NCOA2: variants seen among roughly 807,000 people sequenced by gnomAD.
The protein encoded by NCOA2 is class E basic helix-loop-helix protein 75.
In NCOA2, 21 loss-of-function variants were observed where a neutral mutation model predicts 145.1. The observed-to-expected ratio is 0.14, with a 90% CI of 0.10 to 0.21. The LOEUF (loss-of-function observed/expected upper bound fraction) is 0.21. Ranked by LOEUF, NCOA2 falls within the 10% of genes least tolerant of loss-of-function variation. The pLI is 1.00. For missense variants in NCOA2, 1,472 were observed against 1,837.6 expected (o/e 0.80, Z 3.64); for synonymous variants, 619 against 637.5 (o/e 0.97, Z 0.44).
chr8:70,207,265 T>C (rs925112720), intron 4 of NCOA2, among the ~76,000 whole-genome samples: 5 of 152,222 alleles, frequency 3.3e-5, no homozygotes, highest in Non-Finnish European at 7.3e-5. Flanking sequence ...ACAAGGGATG[T>C]CTACTTTCTA....
chr8:70,128,326 G>A, intron 18 of NCOA2, 107 bp downstream of exon 18: 4 of 911,046 alleles, frequency 4.4e-6, no homozygotes, highest in Non-Finnish European at 5.2e-6. Flanking sequence ...GGGCTAGTGT[G>A]CTGATCTGGA....
At chr8:70,394,207 G>A (rs989270760) in intron 1 of NCOA2, among the ~76,000 whole-genome samples, 17 of 152,328 alleles carry the variant, frequency 1.1e-4, no homozygotes, top group African/African-American at 3.8e-4. Context: ...CCAGGCTGGA[G>A]TGCGATGGCG....
intron 18 of NCOA2, among the ~76,000 whole-genome samples, chr8:70,127,735 T>C (rs1808600406): frequency 2.0e-5 from 3 of 152,228 alleles, no homozygotes; most frequent in African/African-American, 7.2e-5. Context: ...CATGCCACTG[T>C]CACAGTCATT....
intron 2 of NCOA2, among the ~76,000 whole-genome samples, chr8:70,269,325 G>A (rs1245519318): frequency 6.6e-6 from 1 of 152,078 alleles, no homozygotes; most frequent in Non-Finnish European, 1.5e-5. Context: ...GAATAGTGAT[G>A]GAGGGCCTAG....
At chr8:70,267,447 G>A (rs181060295) in intron 2 of NCOA2, among the ~76,000 whole-genome samples, 26 of 149,600 alleles carry the variant, frequency 1.7e-4, no homozygotes, top group Admixed American at 1.1e-3. Flanking sequence ...TCACCCAGGC[G>A]GAGTACAGTG....
chr8:70,452,236 A>G, the NCOA2 span, among the ~76,000 whole-genome samples: 1 of 152,182 alleles, frequency 6.6e-6, no homozygotes, highest in Non-Finnish European at 1.5e-5. Context: ...TTGGCCCCCA[A>G]AGTGCTGGGA....
intron 1 of NCOA2, among the ~76,000 whole-genome samples, chr8:70,336,894 T>C (rs543575600): frequency 6.6e-6 from 1 of 152,218 alleles, no homozygotes; most frequent in East Asian, 1.9e-4. Flanking sequence ...TTGTAAATAA[T>C]GGTGCTGTGA....
In NCOA2 at chr8:70,111,977, T is replaced by C. The variant is rs1806576805; in HGVS notation, c.*1655A>G. 9.0e-6 allele frequency: 2 copies of C among 221,016 alleles called. No individual in the cohort carries two copies. The highest frequency in any genetic ancestry group is 2.2e-5 in the African/African-American group (1 of 44,662). 13.7% of individuals were successfully genotyped at this position (221,016 alleles called of 1,614,324 possible). ...GTCATCAGTTTCTTGGTATTGGAGT[T>C]GTCTGAAACTGACACCTATTAATAA... is the stretch of plus-strand genomic sequence containing the variant. On this transcript the variant is annotated 3_prime_UTR_variant, in exon 23 of 23. Transcript: ENST00000452400.
At chr8:70,426,633 C>T in the NCOA2 span, among the ~76,000 whole-genome samples, 104 of 152,266 alleles carry the variant, frequency 6.8e-4, no homozygotes, top group Admixed American at 2.4e-3. Flanking sequence ...GATCCAAGTT[C>T]GTGGAGGGCA....
chr8:70,315,872 T>TA (rs1805547137), intron 1 of NCOA2, among the ~76,000 whole-genome samples: 2 of 152,092 alleles, frequency 1.3e-5, no homozygotes, highest in South Asian at 2.1e-4. Context: ...GGAACCAAGA[T>TA]AGAGAAATCA....
intron 5 of NCOA2, among the ~76,000 whole-genome samples, chr8:70,174,353 G>A (rs1814594859): frequency 6.6e-6 from 1 of 152,112 alleles, no homozygotes; most frequent in African/African-American, 2.4e-5. Flanking sequence ...AAAGCATAAA[G>A]CTCCTCCTTG....
At chr8:70,118,995 G>A (rs1043620384) in intron 22 of NCOA2, among the ~76,000 whole-genome samples, 1 of 152,010 alleles carries the variant, frequency 6.6e-6, no homozygotes, top group Admixed American at 6.5e-5. Flanking sequence ...GCCAGGAGAG[G>A]ATTTTTTATT....
At chr8:70,194,590 C>G (rs1323711416) in intron 4 of NCOA2, among the ~76,000 whole-genome samples, 1 of 152,038 alleles carries the variant, frequency 6.6e-6, no homozygotes, top group Admixed American at 6.6e-5. Flanking sequence ...CTAAAACAAG[C>G]CTGGTATCCA....
At chr8:70,440,347 C>T in the NCOA2 span, among the ~76,000 whole-genome samples, 1 of 152,132 alleles carries the variant, frequency 6.6e-6, no homozygotes, top group African/African-American at 2.4e-5. Flanking sequence ...CGCCTGGAAT[C>T]CCAGCACCTG....
At chr8:70,221,312 A>G (rs1820115149) in intron 2 of NCOA2, among the ~76,000 whole-genome samples, 1 of 152,194 alleles carries the variant, frequency 6.6e-6, no homozygotes, top group Non-Finnish European at 1.5e-5. Context: ...TGTTTCTCAG[A>G]ATCCCACCTC....
the NCOA2 span, among the ~76,000 whole-genome samples, chr8:70,419,694 A>G: frequency 2.0e-5 from 3 of 152,198 alleles, no homozygotes; most frequent in African/African-American, 7.2e-5. Context: ...CTATAATCCT[A>G]AATGATTTGT....
At position 70,202,716 on chromosome 8, in the gene NCOA2, A is replaced by C. The variant is rs577100401; in HGVS notation, c.259+11187T>G. Among the ~76,000 whole-genome samples, 6 of 152,366 alleles carry C rather than the reference A, an allele frequency of 3.9e-5. No individual in the cohort carries two copies. In the East Asian group the frequency reaches 5.8e-4, roughly 15 times the overall value. On this transcript the variant is annotated intron_variant, in intron 4 of 22. Transcript: ENST00000452400. ...AACAGAGTTGCTGTTTACTGGGAAC[A>C]GAGTTTTACTCATGCAAGATGAAAT...
At chr8:70,150,725 G>A (rs1358347969) in intron 11 of NCOA2, among the ~76,000 whole-genome samples, 1 of 152,192 alleles carries the variant, frequency 6.6e-6, no homozygotes, top group Non-Finnish European at 1.5e-5. Context: ...GGTATAAACT[G>A]TTATTCTCAG....
At chr8:70,278,163 T>C (rs752017262) in intron 2 of NCOA2, among the ~76,000 whole-genome samples, 9 of 152,210 alleles carry the variant, frequency 5.9e-5, no homozygotes, top group Non-Finnish European at 5.9e-5. Context: ...TCATACAATA[T>C]ATGGCCTTTA....
Sources: allele counts gnomAD v4.1 joint callset (sites outside exome capture counted in the v4.1 genomes callset), GRCh38; gene constraint gnomAD v4.1.1; transcripts MANE v1.5; gene names NCBI Gene and HGNC (gene_info 2026-07-23, HGNC 2026-07-21).